Variants in ATXN7L1 observed in about 807,000 individuals in gnomAD.
ATXN7L1 encodes ataxin-7-like protein 1.
Under a neutral mutation model 70.8 loss-of-function variants are expected in ATXN7L1, and 15 were observed. That is an observed-to-expected ratio of 0.21 (90% confidence interval 0.14 to 0.33). ATXN7L1 has a LOEUF of 0.33. Among genes scored for constraint, ATXN7L1 ranks in the 10% least tolerant of loss-of-function variants. The probability of loss-of-function intolerance (pLI) is 1.00; values close to 1 mark genes in which losing one functional copy is unlikely to be tolerated. For synonymous variants in ATXN7L1, 440 were observed against 445.1 expected (o/e 0.99, Z 0.14); for missense variants, 975 against 1,097.1 (o/e 0.89, Z 1.57).
chr7:105,681,487 G>A (rs1419019440), intron 3 of ATXN7L1, among the ~76,000 whole-genome samples: 2 of 152,170 alleles, frequency 1.3e-5, no homozygotes, highest in Non-Finnish European at 2.9e-5. Flanking sequence ...ATGAAGAAGA[G>A]TATGGCGGTT....
intron 2 of ATXN7L1, among the ~76,000 whole-genome samples, chr7:105,823,887 G>A (rs915266905): frequency 6.6e-6 from 1 of 152,172 alleles, no homozygotes; most frequent in Admixed American, 6.5e-5. Flanking sequence ...GGAGCTGAAG[G>A]CACTGTGTAC....
intron 2 of ATXN7L1, among the ~76,000 whole-genome samples, chr7:105,829,991 G>C (rs957018391): frequency 6.6e-6 from 1 of 152,198 alleles, no homozygotes; most frequent in African/African-American, 2.4e-5. Context: ...GCAGTAATAA[G>C]AAGCCTCCTT....
intron 11 of ATXN7L1, among the ~76,000 whole-genome samples, chr7:105,609,707 C>T (rs1792983792): frequency 6.6e-6 from 1 of 152,136 alleles, no homozygotes; most frequent in Non-Finnish European, 1.5e-5. Context: ...AACCATCCTC[C>T]TGCCTCGGCC....
chr7:105,709,459 A>G (rs1351140719), intron 3 of ATXN7L1, among the ~76,000 whole-genome samples: 2 of 152,120 alleles, frequency 1.3e-5, no homozygotes, highest in African/African-American at 4.8e-5. Context: ...CGCACCTACA[A>G]GGAGGAGTAT....
chr7:105,789,551 G>C lies in ATXN7L1; in HGVS notation c.251-843C>G, dbSNP rs930150728. On this transcript the variant is annotated intron_variant, in intron 2 of 11. Transcript: ENST00000419735. ...GTCATCTGAGACTCCAGGATGAGTAGAGGTTAAGGAAGCAAAGGGCCAGGC... is the reference window on the plus strand; with the variant it reads ...GTCATCTGAGACTCCAGGATGAGTACAGGTTAAGGAAGCAAAGGGCCAGGC... Among the ~76,000 whole-genome samples the C allele has an allele frequency of 9.9e-5, 15 of 152,268 alleles. 1 individual carries two copies. The highest frequency in any genetic ancestry group is 3.6e-4 in the African/African-American group (15 of 41,548).
chr7:105,778,900 C>G (rs1803147393), intron 3 of ATXN7L1, among the ~76,000 whole-genome samples: 1 of 152,204 alleles, frequency 6.6e-6, no homozygotes, highest in Non-Finnish European at 1.5e-5. Flanking sequence ...CTCCTTCTCC[C>G]TTACCTCAAA....
chr7:105,799,393 C>T (rs1806473688), intron 2 of ATXN7L1, among the ~76,000 whole-genome samples: 2 of 152,114 alleles, frequency 1.3e-5, no homozygotes, highest in Admixed American at 1.3e-4. Flanking sequence ...CTTGAAGATT[C>T]AGAGATGAAG....
intron 2 of ATXN7L1, among the ~76,000 whole-genome samples, chr7:105,819,068 G>A (rs1289780613): frequency 6.8e-6 from 1 of 146,246 alleles, no homozygotes; most frequent in Non-Finnish European, 1.5e-5. Context: ...GGTGTGTGAC[G>A]TTCCCCACCC....
At chr7:105,608,140 G>A (rs1463647397) in intron 11 of ATXN7L1, among the ~76,000 whole-genome samples, 3 of 152,196 alleles carry the variant, frequency 2.0e-5, no homozygotes, top group Admixed American at 6.5e-5. Context: ...ACACAAGGAC[G>A]AATGCCGCGG....
chr7:105,645,039 G>A (rs1175926843), intron 4 of ATXN7L1, among the ~76,000 whole-genome samples: 3 of 152,126 alleles, frequency 2.0e-5, no homozygotes, highest in Non-Finnish European at 4.4e-5. Flanking sequence ...GGTACCTGGA[G>A]TAGTCAAATT....
intron 9 of ATXN7L1, among the ~76,000 whole-genome samples, chr7:105,619,140 G>GTTTTGTTT (rs1794382228): frequency 2.0e-5 from 1 of 49,846 alleles, no homozygotes; most frequent in Non-Finnish European, 3.3e-5. Context: ...GAAATCTTTA[G>GTTTTGTTT]TTTTTTTTTT....
chr7:105,654,581 G>A (rs1296523228), intron 4 of ATXN7L1, among the ~76,000 whole-genome samples: 2 of 152,238 alleles, frequency 1.3e-5, no homozygotes, highest in South Asian at 2.1e-4. Context: ...TCAGCCCATC[G>A]CTTCATCTCT....
intron 3 of ATXN7L1, among the ~76,000 whole-genome samples, chr7:105,723,347 T>C (rs141091630): frequency 0.015 from 2,318 of 152,320 alleles, 28 homozygotes; most frequent in Non-Finnish European, 0.024. Context: ...TGTGAATACA[T>C]ATCAAGCGCT....
chr7:105,668,265 ACT>A (rs372639088), intron 3 of ATXN7L1, among the ~76,000 whole-genome samples: 28 of 152,068 alleles, frequency 1.8e-4, no homozygotes, highest in South Asian at 6.2e-4. Context: ...CAGAAAAAAA[ACT>A]CTGTCACCCA....
intron 3 of ATXN7L1, chr7:105,760,235 GAA>G: frequency 1.0e-6 from 1 of 984,548 alleles, no homozygotes; most frequent in Non-Finnish European, 1.2e-6. Context: ...CATGCACTGG[GAA>G]AAGTGACAAA....
intron 5 of ATXN7L1, among the ~76,000 whole-genome samples, chr7:105,639,808 CACCGCCG>C (rs1797908185): frequency 6.6e-6 from 1 of 152,188 alleles, no homozygotes; most frequent in Non-Finnish European, 1.5e-5. Flanking sequence ...GCTTCGGCAG[CACCGCCG>C]AACGCAGCAC....
At chr7:105,727,804 GTATATA>G (rs1796087914) in intron 3 of ATXN7L1, among the ~76,000 whole-genome samples, 1 of 65,308 alleles carries the variant, frequency 1.5e-5, no homozygotes, top group East Asian at 5.5e-4. Flanking sequence ...ATATATATAT[GTATATA>G]TGAATATAAA....
At position 105,733,669 on chromosome 7, in the gene ATXN7L1, T is replaced by C. The variant is rs1159365474; in HGVS notation, c.355+54935A>G. Among the ~76,000 whole-genome samples the C allele has an allele frequency of 2.1e-4, 26 of 122,934 alleles. 1 individual carries two copies. The highest frequency in any genetic ancestry group is 2.8e-4 in the East Asian group (1 of 3,550). 80.6% of individuals were successfully genotyped at this position (122,934 alleles called of 152,430 possible). On this transcript the variant is annotated intron_variant, in intron 3 of 11. Transcript: ENST00000419735. ...ATCCATCCATCCATCCATCCATCCATCCATCCATCCACCCATCCACCCATC... is the reference window on the plus strand; with the variant it reads ...ATCCATCCATCCATCCATCCATCCACCCATCCATCCACCCATCCACCCATC...
intron 3 of ATXN7L1, among the ~76,000 whole-genome samples, chr7:105,773,623 G>C (rs769327137): frequency 7.9e-5 from 12 of 152,100 alleles, no homozygotes; most frequent in Non-Finnish European, 1.5e-4. Context: ...ATAGGCCCAG[G>C]TATCTCAGGA....
Sources: allele counts gnomAD v4.1 joint callset (sites outside exome capture counted in the v4.1 genomes callset), GRCh38; gene constraint gnomAD v4.1.1; transcripts MANE v1.5; gene names NCBI Gene and HGNC (gene_info 2026-07-23, HGNC 2026-07-21).